LHFPL3: variants seen among roughly 807,000 people sequenced by gnomAD.
The protein encoded by LHFPL3 is LHFPL tetraspan subfamily member 3 protein.
A neutral mutation model predicts 19.3 loss-of-function variants in LHFPL3; 5 were observed. The observed-to-expected ratio is 0.26, with a 90% CI of 0.14 to 0.54. The LOEUF (loss-of-function observed/expected upper bound fraction) is 0.54, where lower values mean the gene tolerates loss of function less well. Among genes scored for constraint, LHFPL3 ranks in the 20% least tolerant of loss-of-function variants. The pLI is 0.94. For missense variants in LHFPL3, 249 were observed against 307.4 expected, an observed-to-expected ratio of 0.81 and a Z score of 1.42; for synonymous variants, 133 against 126.2, an observed-to-expected ratio of 1.05 and a Z score of -0.36.
intron 1 of LHFPL3, among the ~76,000 whole-genome samples, chr7:104,662,398 C>T (rs984582171): frequency 6.6e-6 from 1 of 152,116 alleles, no homozygotes; most frequent in African/African-American, 2.4e-5. Flanking sequence ...CCCCCAAGGA[C>T]CCAAGTATGC....
At chr7:104,731,555 A>T (rs546522753) in intron 1 of LHFPL3, among the ~76,000 whole-genome samples, 43 of 151,964 alleles carry the variant, frequency 2.8e-4, no homozygotes, top group Non-Finnish European at 5.0e-4. Context: ...AATGCTTGTG[A>T]TTTTTGCACA....
chr7:104,730,241 T>G (rs958649800), intron 1 of LHFPL3, among the ~76,000 whole-genome samples: 2 of 152,118 alleles, frequency 1.3e-5, no homozygotes, highest in African/African-American at 2.4e-5. Context: ...ATGATTTATA[T>G]TCCTTTGGGT....
At chr7:104,586,095 T>C (rs1790570770) in intron 1 of LHFPL3, among the ~76,000 whole-genome samples, 1 of 152,090 alleles carries the variant, frequency 6.6e-6, no homozygotes, top group Non-Finnish European at 1.5e-5. Flanking sequence ...TGAATTAGGA[T>C]ATCAGAACGT....
intron 2 of LHFPL3, among the ~76,000 whole-genome samples, chr7:104,807,356 C>T (rs572033577): frequency 6.6e-6 from 1 of 152,204 alleles, no homozygotes; most frequent in African/African-American, 2.4e-5. Context: ...TCACAGCCAC[C>T]AGAAGGAATC....
At chr7:104,428,380 A>C (rs1432333222) in intron 1 of LHFPL3, among the ~76,000 whole-genome samples, 1 of 152,156 alleles carries the variant, frequency 6.6e-6, no homozygotes, top group Admixed American at 6.5e-5. Context: ...TCCTTTTTTC[A>C]GAGATGACAA....
At chr7:104,582,833 A>G (rs1170700434) in intron 1 of LHFPL3, among the ~76,000 whole-genome samples, 1 of 151,682 alleles carries the variant, frequency 6.6e-6, no homozygotes, top group African/African-American at 2.4e-5. Flanking sequence ...ATTTGAATCA[A>G]TTTGCTAATG....
chr7:104,416,168 T>C (rs1440288548), intron 1 of LHFPL3, among the ~76,000 whole-genome samples: 1 of 152,108 alleles, frequency 6.6e-6, no homozygotes, highest in African/African-American at 2.4e-5. Flanking sequence ...AGGGAGAAGA[T>C]GGCCAAGTGA....
chr7:104,630,425 G>C (rs1791619170), intron 1 of LHFPL3, among the ~76,000 whole-genome samples: 1 of 152,116 alleles, frequency 6.6e-6, no homozygotes, highest in Admixed American at 6.6e-5. Context: ...ACCTTGTGCA[G>C]GGTAGCGTGC....
chr7:104,501,708 G>A (rs1793601763), intron 1 of LHFPL3, among the ~76,000 whole-genome samples: 1 of 152,136 alleles, frequency 6.6e-6, no homozygotes, highest in African/African-American at 2.4e-5. Flanking sequence ...CTGGGGCTCA[G>A]ATATGTCAAG....
At chr7:104,771,592 T>C (rs561210932) in intron 2 of LHFPL3, among the ~76,000 whole-genome samples, 2 of 152,246 alleles carry the variant, frequency 1.3e-5, no homozygotes, top group South Asian at 2.1e-4. Flanking sequence ...TCACAGGGTA[T>C]TTTTTAAAGA....
At chr7:104,391,979 T>C (rs574337735) in intron 1 of LHFPL3, among the ~76,000 whole-genome samples, 12 of 152,256 alleles carry the variant, frequency 7.9e-5, no homozygotes, top group Admixed American at 2.0e-4. Flanking sequence ...TGATTTGGCT[T>C]TCTGTTTGTC....
chr7:104,453,802 G>T (rs1043566446), intron 1 of LHFPL3, among the ~76,000 whole-genome samples: 1 of 151,846 alleles, frequency 6.6e-6, no homozygotes, highest in Non-Finnish European at 1.5e-5. Flanking sequence ...AAAAGTGTGC[G>T]CTGCCTCCCC....
chr7:104,867,393 G>T (rs781529033), intron 2 of LHFPL3, among the ~76,000 whole-genome samples: 7 of 151,998 alleles, frequency 4.6e-5, no homozygotes, highest in Non-Finnish European at 1.0e-4. Context: ...TGATAAAGGG[G>T]ATATCACCAC....
intron 1 of LHFPL3, among the ~76,000 whole-genome samples, chr7:104,518,783 CA>C (rs1319049401): frequency 7.0e-6 from 1 of 142,216 alleles, no homozygotes; most frequent in Non-Finnish European, 1.5e-5. Flanking sequence ...GACTCCATCT[CA>C]AAAATAAATA....
intron 2 of LHFPL3, among the ~76,000 whole-genome samples, chr7:104,887,044 A>C (rs547044587): frequency 6.6e-6 from 1 of 152,344 alleles, no homozygotes; most frequent in Admixed American, 6.5e-5. Flanking sequence ...CCCACGTCTG[A>C]AAGGAAAGAA....
chr7:104,453,111 T>G (rs1364608392), intron 1 of LHFPL3, among the ~76,000 whole-genome samples: 2 of 152,180 alleles, frequency 1.3e-5, no homozygotes, highest in East Asian at 3.8e-4. Context: ...GCTTTTAAAG[T>G]TGGCTGGTTC....
At chr7:104,347,184 T>C (rs931320381) in intron 1 of LHFPL3, among the ~76,000 whole-genome samples, 3 of 152,076 alleles carry the variant, frequency 2.0e-5, no homozygotes, top group African/African-American at 7.2e-5. Flanking sequence ...ACAAGAAGTA[T>C]AAAGGACTTG....
At chr7:104,724,307 G>T (rs1175110564) in intron 1 of LHFPL3, among the ~76,000 whole-genome samples, 2 of 152,104 alleles carry the variant, frequency 1.3e-5, no homozygotes, top group Non-Finnish European at 2.9e-5. Flanking sequence ...AAGCTTTTGG[G>T]GCGTTAACCT....
At chr7:104,523,988 A>G (rs1794133524) in intron 1 of LHFPL3, among the ~76,000 whole-genome samples, 1 of 152,224 alleles carries the variant, frequency 6.6e-6, no homozygotes, top group East Asian at 1.9e-4. Flanking sequence ...ATTAATCTGT[A>G]AACAGGTGTT....
Sources: allele counts gnomAD v4.1 joint callset (sites outside exome capture counted in the v4.1 genomes callset), GRCh38; gene constraint gnomAD v4.1.1; transcripts MANE v1.5; gene names NCBI Gene and HGNC (gene_info 2026-07-23, HGNC 2026-07-21).